ERO1B: variants seen among roughly 807,000 people sequenced by gnomAD.
ERO1B encodes the protein endoplasmic reticulum oxidoreductase 1 beta.
Under a neutral mutation model 75.3 loss-of-function variants are expected in ERO1B, and 49 were observed. That is an observed-to-expected ratio of 0.65 (90% CI 0.52 to 0.83). The LOEUF (loss-of-function observed/expected upper bound fraction) is 0.83. Ranked by LOEUF, ERO1B falls within the 40% of genes least tolerant of loss-of-function variation. The pLI, the probability that ERO1B is intolerant of heterozygous loss-of-function variation, is 0.00. For missense variants in ERO1B, 512 were observed against 560.1 expected, an observed-to-expected ratio of 0.91 and a Z score of 0.87; for synonymous variants, 191 against 192.9, an observed-to-expected ratio of 0.99 and a Z score of 0.08.
At chr1:236,279,093 A>G (rs1043488175) in intron 1 of ERO1B, among the ~76,000 whole-genome samples, 40 of 152,228 alleles carry the variant, frequency 2.6e-4, no homozygotes, top group Admixed American at 2.6e-3. Context: ...TTAGGGCTCC[A>G]CTGTAAAGTC....
chr1:236,235,648 C>G (rs565229046), intron 8 of ERO1B, 141 bp downstream of exon 8: 6 of 704,670 alleles, frequency 8.5e-6, no homozygotes, highest in African/African-American at 7.3e-5. Context: ...CGAGACTCGA[C>G]TATGAACTAA....
chr1:236,257,368 C>T (rs1304417829), intron 2 of ERO1B, among the ~76,000 whole-genome samples: 2 of 152,006 alleles, frequency 1.3e-5, no homozygotes, highest in African/African-American at 2.4e-5. Context: ...AACAGCAACT[C>T]CATTATTCTA....
intron 5 of ERO1B, among the ~76,000 whole-genome samples, chr1:236,246,211 G>A (rs1240397878): frequency 2.6e-5 from 4 of 151,922 alleles, no homozygotes; most frequent in African/African-American, 9.7e-5. Flanking sequence ...TGTCACTCAG[G>A]CTGGGGAGTA....
intron 9 of ERO1B, among the ~76,000 whole-genome samples, chr1:236,232,158 T>A (rs1225494531): frequency 6.6e-6 from 1 of 152,186 alleles, no homozygotes; most frequent in Non-Finnish European, 1.5e-5. Flanking sequence ...GCTATATATA[T>A]CACCTACTGT....
chr1:236,253,858 A>T (rs1665098568), intron 2 of ERO1B, among the ~76,000 whole-genome samples: 1 of 152,250 alleles, frequency 6.6e-6, no homozygotes, highest in South Asian at 2.1e-4. Flanking sequence ...GGACAGAAAA[A>T]GAACTCCCCT....
intron 5 of ERO1B, 87 bp downstream of exon 5, chr1:236,249,798 G>A: frequency 1.0e-6 from 1 of 987,084 alleles, no homozygotes; most frequent in Non-Finnish European, 1.5e-6. Flanking sequence ...ACTTTAATGG[G>A]TTCGAAAATG....
At chr1:236,232,790 C>A in intron 9 of ERO1B, 38 bp downstream of exon 9, 1 of 1,575,588 alleles carries the variant, frequency 6.3e-7, no homozygotes, top group Non-Finnish European at 8.6e-7. Flanking sequence ...AAAAAATTTC[C>A]TCCACACTTG....
In ERO1B at chr1:236,215,652, G is replaced by A. The variant is rs1663951985; in HGVS notation, c.*2864C>T. 6.6e-6 allele frequency: 1 copy of A among 152,172 alleles called. No homozygotes were observed. The highest frequency in any genetic ancestry group is 2.4e-5 in the African/African-American group (1 of 41,446). The allele number at this position is 152,172 out of a possible 1,614,324, so 9.4% of individuals were successfully genotyped here. A position where few individuals can be genotyped will look rare whatever the true frequency, so the allele number is the denominator to read the frequency against. On this transcript the variant is annotated 3_prime_UTR_variant, in exon 16 of 16. Transcript: ENST00000354619. ...GTTCAAAATCAAAGCTGCACCTGTA[G>A]ATATTCCTTAAAATACAGTACACAT...
At chr1:236,257,320 A>G (rs933092248) in intron 2 of ERO1B, among the ~76,000 whole-genome samples, 6 of 152,182 alleles carry the variant, frequency 3.9e-5, no homozygotes, top group African/African-American at 7.2e-5. Context: ...AAGAAAAATG[A>G]AGAATTACTC....
intron 2 of ERO1B, among the ~76,000 whole-genome samples, chr1:236,257,029 G>A (rs1665175014): frequency 6.6e-6 from 1 of 152,206 alleles, no homozygotes; most frequent in South Asian, 2.1e-4. Context: ...TTCTCTGCAA[G>A]GAAAGAAGAA....
Position 236,253,434 on chromosome 1 carries a change from C to A in ERO1B, c.294G>T (p.Glu98Asp). The change falls in exon 3 of 16, where the codon GAG becomes GAT. Residue 98 changes from glutamate to aspartate, a missense_variant. Coordinates refer to ENST00000354619, the MANE Select transcript of ERO1B (RefSeq NM_019891.4). ...TTATTTATTATACCTCTGGACAGGGCTCCACATGACAGTCTTTTATTGAAC... is the reference window on the plus strand; with the variant it reads ...TTATTTATTATACCTCTGGACAGGGATCCACATGACAGTCTTTTATTGAAC... ...GHCSIKDCHV[E>D]PCPESKIPVG... 2 of 1,606,648 alleles carry A rather than the reference C, an allele frequency of 1.2e-6. No homozygotes were observed. Among genetic ancestry groups the A allele is most frequent in the African/African-American group, 1.3e-5 (1 of 74,896 alleles).
chr1:236,218,353 A>G lies in ERO1B; in HGVS notation c.*163T>C, dbSNP rs1437255771. The G allele has an allele frequency of 1.9e-5, 9 of 470,632 alleles. No individual in the cohort carries two copies. Among genetic ancestry groups the G allele is most frequent in the Admixed American group, 5.2e-5 (1 of 19,096 alleles). The allele number at this position is 470,632 out of a possible 1,614,324, so 29.2% of individuals were successfully genotyped here. A position where few individuals can be genotyped will look rare whatever the true frequency, so the allele number is the denominator to read the frequency against. On this transcript the variant is annotated 3_prime_UTR_variant, in exon 16 of 16. Transcript: ENST00000354619. The stretch of plus-strand genomic sequence containing the variant: ...TCATTTATAAATATCTCTAGTTGAT[A>G]ATAATCTATTAAGAATCATAAATAT...
chr1:236,262,724 A>C (rs1181025952), intron 2 of ERO1B, among the ~76,000 whole-genome samples: 1 of 152,074 alleles, frequency 6.6e-6, no homozygotes, highest in Non-Finnish European at 1.5e-5. Flanking sequence ...TAAGCTGCTA[A>C]ATTTAAAGCT....
intron 2 of ERO1B, among the ~76,000 whole-genome samples, chr1:236,261,343 A>G (rs1487036895): frequency 6.6e-6 from 1 of 152,226 alleles, no homozygotes; most frequent in African/African-American, 2.4e-5. Context: ...AGACATCTAT[A>G]TAGAAAAAGA....
intron 5 of ERO1B, 139 bp downstream of exon 5, chr1:236,249,746 A>G: frequency 1.7e-6 from 1 of 578,690 alleles, no homozygotes; most frequent in Admixed American, 3.9e-5. Context: ...AATTTAGGAT[A>G]AAGAAAAACT....
At chr1:236,265,084 T>C (rs890249328) in intron 2 of ERO1B, among the ~76,000 whole-genome samples, 2 of 151,344 alleles carry the variant, frequency 1.3e-5, no homozygotes, top group African/African-American at 4.9e-5. Context: ...TCACACTGGA[T>C]AGTTGTTTTT....
intron 14 of ERO1B, among the ~76,000 whole-genome samples, chr1:236,221,247 G>T (rs2102937383): frequency 6.6e-6 from 1 of 152,008 alleles, no homozygotes; most frequent in African/African-American, 2.4e-5. Context: ...TACCATATTA[G>T]GATTACAATG....
chr1:236,281,623 T>C (rs909414582), intron 1 of ERO1B, 59 bp downstream of exon 1: 65 of 1,176,766 alleles, frequency 5.5e-5, no homozygotes, highest in Non-Finnish European at 6.5e-5. Flanking sequence ...CCGCGGCCCG[T>C]GTGTAGCGGC....
intron 2 of ERO1B, among the ~76,000 whole-genome samples, chr1:236,262,018 T>C (rs961114608): frequency 1.3e-5 from 2 of 152,196 alleles, no homozygotes; most frequent in Non-Finnish European, 2.9e-5. Context: ...TGACTCTGAA[T>C]AGCCAAAGCA....
Sources: allele counts gnomAD v4.1 joint callset (sites outside exome capture counted in the v4.1 genomes callset), GRCh38; gene constraint gnomAD v4.1.1; transcripts MANE v1.5; gene names NCBI Gene and HGNC (gene_info 2026-07-23, HGNC 2026-07-21).